Variants in CCBE1 observed in about 807,000 individuals in gnomAD.
CCBE1 encodes the protein collagen and calcium binding EGF domains 1.
A neutral mutation model predicts 50.0 loss-of-function variants in CCBE1; 37 were observed. The observed-to-expected ratio is 0.74, with a 90% CI of 0.57 to 0.97. The LOEUF is 0.97. Ranked by LOEUF, CCBE1 falls within the 50% of genes least tolerant of loss-of-function variation. The probability of loss-of-function intolerance (pLI) is 0.00; values close to 1 mark genes in which losing one functional copy is unlikely to be tolerated. For missense variants in CCBE1, 538 were observed against 523.8 expected (o/e 1.03, Z -0.26); for synonymous variants, 234 against 203.7 (o/e 1.15, Z -1.27).
chr18:59,606,978 C>G (rs922525538), intron 2 of CCBE1, among the ~76,000 whole-genome samples: 3 of 150,572 alleles, frequency 2.0e-5, no homozygotes, highest in African/African-American at 7.4e-5. Flanking sequence ...CGAGTCATGT[C>G]TGTATCCCCA....
intron 2 of CCBE1, among the ~76,000 whole-genome samples, chr18:59,634,521 T>C (rs1195898720): frequency 1.3e-5 from 2 of 152,136 alleles, no homozygotes; most frequent in African/African-American, 4.8e-5. Context: ...ATTATGACAG[T>C]TAAATATGGG....
At chr18:59,597,813 T>C (rs1462753484) in intron 2 of CCBE1, among the ~76,000 whole-genome samples, 1 of 152,166 alleles carries the variant, frequency 6.6e-6, no homozygotes, top group Admixed American at 6.5e-5. Context: ...ACCATCCAGA[T>C]AACTGAGTCT....
chr18:59,620,504 G>A (rs541640102), intron 2 of CCBE1, among the ~76,000 whole-genome samples: 32 of 152,250 alleles, frequency 2.1e-4, no homozygotes, highest in African/African-American at 7.7e-4. Flanking sequence ...AGGATCCCAG[G>A]ACAGGTGCTA....
intron 2 of CCBE1, among the ~76,000 whole-genome samples, chr18:59,566,248 A>T (rs2144469262): frequency 6.6e-6 from 1 of 152,306 alleles, no homozygotes; most frequent in African/African-American, 2.4e-5. Context: ...TTCCAGGGCC[A>T]TTCATAACAT....
At chr18:59,696,827 G>T (rs2054812524) in intron 1 of CCBE1, 118 bp from the exon 2 acceptor site, 3 of 1,126,586 alleles carry the variant, frequency 2.7e-6, no homozygotes, top group African/African-American at 1.5e-5. Flanking sequence ...GGCGCTCTGG[G>T]CAGGGGCTGG....
intron 2 of CCBE1, among the ~76,000 whole-genome samples, chr18:59,613,568 G>A (rs976542227): frequency 1.3e-5 from 2 of 151,828 alleles, no homozygotes; most frequent in Non-Finnish European, 2.9e-5. Flanking sequence ...ATTCTTTTTA[G>A]ACTTCAATTG....
intron 2 of CCBE1, among the ~76,000 whole-genome samples, chr18:59,639,671 G>A (rs1216400205): frequency 6.6e-6 from 1 of 152,160 alleles, no homozygotes; most frequent in Non-Finnish European, 1.5e-5. Context: ...GAAATAAAAG[G>A]TATCAAAATA....
At chr18:59,640,171 A>G (rs2053967846) in intron 2 of CCBE1, among the ~76,000 whole-genome samples, 2 of 152,240 alleles carry the variant, frequency 1.3e-5, no homozygotes, top group Non-Finnish European at 2.9e-5. Flanking sequence ...ACGAGTCTGA[A>G]TAGCCAAGGC....
rs115325279 is a variant in CCBE1 at position 59,441,176 on chromosome 18, T to G, written c.776-1360A>C. ...TGTGCCTCAGTCTCTACTGTTTCTC[T>G]GCAAATGATGTCTGGCATTCAATCC... On this transcript the variant is annotated intron_variant, in intron 7 of 10. Transcript: ENST00000439986. Among the ~76,000 whole-genome samples, 636 of 152,310 alleles carry G rather than the reference T, an allele frequency of 4.2e-3. 5 individuals carry two copies. The highest frequency in any genetic ancestry group is 0.014 in the African/African-American group (596 of 41,558).
chr18:59,454,847 G>C lies in CCBE1; in HGVS notation c.654+4C>G, dbSNP rs770958531. The C allele has an allele frequency of 3.1e-6, 5 of 1,613,146 alleles. No individual in the cohort carries two copies. The highest frequency in any genetic ancestry group is 1.7e-5 in the Admixed American group (1 of 60,010). On this transcript the variant is annotated splice_donor_region_variant and intron_variant, in intron 6 of 10. Transcript: ENST00000439986. Reference sequence around the variant, plus strand: ...ATCATCGTTCCCACCCCAGCGGCACGTACCTTTTGCTTCAGCTGCAGCACG... The same window carrying C: ...ATCATCGTTCCCACCCCAGCGGCACCTACCTTTTGCTTCAGCTGCAGCACG...
At chr18:59,601,333 C>T (rs2053430073) in intron 2 of CCBE1, among the ~76,000 whole-genome samples, 1 of 152,002 alleles carries the variant, frequency 6.6e-6, no homozygotes, top group Non-Finnish European at 1.5e-5. Context: ...ATCATGGGGG[C>T]AGGGTCTTTC....
chr18:59,563,316 T>C (rs764617560), intron 2 of CCBE1, among the ~76,000 whole-genome samples: 11 of 152,276 alleles, frequency 7.2e-5, no homozygotes, highest in Non-Finnish European at 5.9e-5. Flanking sequence ...TAGTTTTTCT[T>C]GATTTTTTAA....
intron 2 of CCBE1, among the ~76,000 whole-genome samples, chr18:59,656,427 A>C (rs868617091): frequency 1.3e-5 from 2 of 152,248 alleles, no homozygotes; most frequent in African/African-American, 4.8e-5. Context: ...GCAACTATTC[A>C]AACAATGAAT....
intron 2 of CCBE1, among the ~76,000 whole-genome samples, chr18:59,644,320 G>A (rs115314572): frequency 0.026 from 3,901 of 152,246 alleles, 169 homozygotes; most frequent in African/African-American, 0.09. Context: ...TGCAGCCCAG[G>A]AGTTGGGGAC....
intron 2 of CCBE1, among the ~76,000 whole-genome samples, chr18:59,629,803 G>C (rs928683056): frequency 6.6e-6 from 1 of 152,166 alleles, no homozygotes; most frequent in African/African-American, 2.4e-5. Context: ...ACAGCTTGTC[G>C]GGGGAAGGTG....
intron 2 of CCBE1, among the ~76,000 whole-genome samples, chr18:59,515,160 A>C (rs550181940): frequency 4.6e-4 from 70 of 152,378 alleles, no homozygotes; most frequent in African/African-American, 1.6e-3. Context: ...AATGAGGCCC[A>C]GAGTAGAAAA....
chr18:59,431,541 G>T lies in CCBE1; in HGVS notation c.*4367C>A, dbSNP rs987878392. ...GGAATGACACCCAAAATATGATGGG[G>T]GAGTTGCTACCTGAAAACCTACAGA... On this transcript the variant is annotated 3_prime_UTR_variant, in exon 11 of 11. Transcript: ENST00000439986. The T allele has an allele frequency of 6.6e-6, 1 of 152,174 alleles. No homozygotes were observed. The highest frequency in any genetic ancestry group is 6.5e-5 in the Admixed American group (1 of 15,276). The allele number at this position is 152,174 out of a possible 1,614,324, so 9.4% of individuals were successfully genotyped here.
chr18:59,460,631 G>C (rs923576501), intron 5 of CCBE1, among the ~76,000 whole-genome samples: 1 of 152,166 alleles, frequency 6.6e-6, no homozygotes, highest in African/African-American at 2.4e-5. Context: ...TTAGATGGAG[G>C]ACTAAGAAAT....
chr18:59,565,864 A>C (rs2052817054), intron 2 of CCBE1, among the ~76,000 whole-genome samples: 1 of 152,064 alleles, frequency 6.6e-6, no homozygotes, highest in Non-Finnish European at 1.5e-5. Flanking sequence ...ATCGAATGCA[A>C]AACTCAACCT....
Sources: gnomAD v4.1 joint callset for allele counts (sites outside exome capture counted in the v4.1 genomes callset) on GRCh38, gnomAD v4.1.1 for gene constraint, MANE v1.5 for transcripts, NCBI Gene and HGNC (gene_info 2026-07-23, HGNC 2026-07-21) for gene names.